ADGRF5: variants seen among roughly 807,000 people sequenced by gnomAD.
ADGRF5 encodes the protein adhesion G protein-coupled receptor F5.
A neutral mutation model predicts 132.3 loss-of-function variants in ADGRF5; 75 were observed. The ratio of observed to expected loss-of-function variants is 0.57; its 90% CI spans 0.47 to 0.69. The LOEUF (loss-of-function observed/expected upper bound fraction) is 0.69, where lower values mean the gene tolerates loss of function less well. Among genes scored for constraint, ADGRF5 ranks in the 30% least tolerant of loss-of-function variants. ADGRF5 has a pLI of 0.00. For synonymous variants in ADGRF5, 629 were observed against 597.6 expected (o/e 1.05, Z -0.77); for missense variants, 1,516 against 1,630.6 (o/e 0.93, Z 1.21).
At chr6:46,912,475 A>G (rs1776034623) in intron 1 of ADGRF5, among the ~76,000 whole-genome samples, 1 of 152,054 alleles carries the variant, frequency 6.6e-6, no homozygotes, top group African/African-American at 2.4e-5. Flanking sequence ...ATGAAAAGAG[A>G]GCAGGTGAAG....
At chr6:46,855,839 T>G (rs1021084204) in intron 20 of ADGRF5, 135 bp downstream of exon 20, 103 of 645,636 alleles carry the variant, frequency 1.6e-4, no homozygotes, top group Non-Finnish European at 2.8e-5. Flanking sequence ...TAAGTTCCTC[T>G]ATTTAACCTC....
chr6:46,887,567 T>C (rs1773180878), intron 4 of ADGRF5, among the ~76,000 whole-genome samples: 2 of 152,226 alleles, frequency 1.3e-5, no homozygotes, highest in African/African-American at 4.8e-5. Flanking sequence ...AAAATTAAAA[T>C]GCATGTACCG....
chr6:46,868,028 G>A (rs1770639672), intron 12 of ADGRF5, among the ~76,000 whole-genome samples: 1 of 152,170 alleles, frequency 6.6e-6, no homozygotes, highest in Admixed American at 6.5e-5. Flanking sequence ...ATACTACCAA[G>A]TCCAGCCCAA....
chr6:46,860,933 A>G (rs540727), intron 15 of ADGRF5, 39 bp from the exon 16 acceptor site: 1,409,565 of 1,533,614 alleles, frequency 0.92, 652,642 homozygotes, highest in East Asian at 0.99. Context: ...AAATTTACCA[A>G]TCAATTCAGC....
intron 1 of ADGRF5, among the ~76,000 whole-genome samples, chr6:46,944,418 CA>C (rs1231780533): frequency 1.3e-5 from 2 of 152,170 alleles, no homozygotes; most frequent in Non-Finnish European, 1.5e-5. Flanking sequence ...CCATGGCCCA[CA>C]AGGTGGGGAC....
At chr6:46,944,829 G>A (rs1313398895) in intron 1 of ADGRF5, among the ~76,000 whole-genome samples, 1 of 152,116 alleles carries the variant, frequency 6.6e-6, no homozygotes, top group Non-Finnish European at 1.5e-5. Flanking sequence ...CCAGAGTTGA[G>A]TGAACCTCTG....
At chr6:46,856,669 G>C in intron 19 of ADGRF5, 49 bp downstream of exon 19, 1 of 1,051,752 alleles carries the variant, frequency 9.5e-7, no homozygotes, top group Non-Finnish European at 1.5e-6. Context: ...AATGCTAGTG[G>C]AATACATGAT....
At chr6:46,930,210 G>A (rs968250042) in intron 1 of ADGRF5, among the ~76,000 whole-genome samples, 3 of 152,130 alleles carry the variant, frequency 2.0e-5, no homozygotes, top group Admixed American at 2.0e-4. Context: ...GTAGCGAATG[G>A]CACCACAGTA....
rs369726835 is a variant in ADGRF5 at position 46,863,213 on chromosome 6, G to A, written c.1991-117C>T. On this transcript the variant is annotated intron_variant, in intron 14 of 20. Transcript: ENST00000283296. ...GAATTCACATTTACCTTTACTTTCC[G>A]TCACCTTTTCAGAACTACCCAATTT... 1.0e-4 allele frequency: 85 copies of A among 833,702 alleles called. 1 individual carries two copies. The highest frequency in any genetic ancestry group is 3.0e-4 in the African/African-American group (18 of 59,778). The allele number at this position is 833,702 out of a possible 1,614,324, so 51.6% of individuals were successfully genotyped here.
At chr6:46,950,019 G>C (rs1233506036) in intron 1 of ADGRF5, among the ~76,000 whole-genome samples, 1 of 152,222 alleles carries the variant, frequency 6.6e-6, no homozygotes, top group Non-Finnish European at 1.5e-5. Flanking sequence ...ACTCTAGCCT[G>C]ATGATATTTT....
chr6:46,934,599 G>C (rs546183438), intron 1 of ADGRF5, among the ~76,000 whole-genome samples: 1 of 152,246 alleles, frequency 6.6e-6, no homozygotes, highest in African/African-American at 2.4e-5. Flanking sequence ...CAGAATTGAA[G>C]CTACATATGT....
At chr6:46,946,390 T>G (rs920111881) in intron 1 of ADGRF5, among the ~76,000 whole-genome samples, 1 of 152,174 alleles carries the variant, frequency 6.6e-6, no homozygotes, top group African/African-American at 2.4e-5. Flanking sequence ...TGAGGTACAC[T>G]GGGGTAGCGT....
chr6:46,865,058 C>T lies in ADGRF5; in HGVS notation c.1974G>A (p.Lys658=). ...ANNSVWSPSM[K]LNLVPGENIT... Reference sequence around the variant, plus strand: ...CGTTCTTACCAGGAACCAGATTCAGCTTCATAGATGGGCTCCAGACTGAAT... The same window carrying T: ...CGTTCTTACCAGGAACCAGATTCAGTTTCATAGATGGGCTCCAGACTGAAT... The change falls in exon 14 of 21, where the codon AAG becomes AAA. Residue 658 remains lysine (K), a synonymous_variant. Transcript: ENST00000283296. 4 of 1,606,168 alleles carry T rather than the reference C, an allele frequency of 2.5e-6. No homozygotes were observed. Among genetic ancestry groups the T allele is most frequent in the Non-Finnish European group, 3.4e-6 (4 of 1,175,554 alleles).
chr6:46,954,486 A>G (rs530844895), intron 1 of ADGRF5, among the ~76,000 whole-genome samples: 240 of 152,302 alleles, frequency 1.6e-3, no homozygotes, highest in Middle Eastern at 0.014. Flanking sequence ...AAAGAAAATA[A>G]GAATCGACAC....
chr6:46,911,738 T>G (rs1053911131), intron 1 of ADGRF5, among the ~76,000 whole-genome samples: 5 of 152,318 alleles, frequency 3.3e-5, no homozygotes, highest in African/African-American at 1.2e-4. Flanking sequence ...TTCATTTGTG[T>G]ATTCCTTTAC....
chr6:46,938,591 G>A (rs1487390754), intron 1 of ADGRF5, among the ~76,000 whole-genome samples: 2 of 152,176 alleles, frequency 1.3e-5, no homozygotes, highest in Non-Finnish European at 2.9e-5. Context: ...GCACCTTAGT[G>A]ATCACTGCAC....
chr6:46,900,755 A>G (rs556149079), intron 2 of ADGRF5, among the ~76,000 whole-genome samples: 11 of 152,208 alleles, frequency 7.2e-5, no homozygotes, highest in Admixed American at 2.0e-4. Flanking sequence ...AATAATAACA[A>G]TATCAACTTC....
chr6:46,945,527 G>A lies in ADGRF5; in HGVS notation c.-25+9207C>T, dbSNP rs560261645. Among the ~76,000 whole-genome samples the A allele has an allele frequency of 4.1e-4, 62 of 152,278 alleles. 2 individuals carry two copies. In the South Asian group the frequency reaches 0.013, roughly 31 times the overall value. ...AATAAGATGGCATCCCTATGTCCTA[G>A]GAAAGAAGTGCATGTGAACAATTAC... On this transcript the variant is annotated intron_variant, in intron 1 of 20. Coordinates refer to the ADGRF5 transcript ENST00000265417.
intron 2 of ADGRF5, 121 bp from the exon 3 acceptor site, chr6:46,900,204 A>C: frequency 1.3e-6 from 1 of 747,984 alleles, no homozygotes; most frequent in Non-Finnish European, 2.4e-6. Flanking sequence ...TTGGGTTAGC[A>C]CCATGTGTCC....
Sources: gnomAD v4.1 joint callset for allele counts (sites outside exome capture counted in the v4.1 genomes callset) on GRCh38, gnomAD v4.1.1 for gene constraint, MANE v1.5 for transcripts, NCBI Gene and HGNC (gene_info 2026-07-23, HGNC 2026-07-21) for gene names.